The following DOT1L variants were observed in gnomAD, a reference collection of about 807,000 sequenced individuals.
The protein encoded by DOT1L is histone-lysine N-methyltransferase, H3 lysine-79 specific.
A neutral mutation model predicts 153.3 loss-of-function variants in DOT1L; 33 were observed. The ratio of observed to expected loss-of-function variants is 0.22; its 90% CI spans 0.16 to 0.29. The LOEUF (loss-of-function observed/expected upper bound fraction) is 0.29. Ranked by LOEUF, DOT1L falls within the 10% of genes least tolerant of loss-of-function variation. The pLI is 1.00. For synonymous variants in DOT1L, 1,135 were observed against 965.1 expected, an observed-to-expected ratio of 1.18 and a Z score of -3.26; for missense variants, 1,847 against 2,119.9, an observed-to-expected ratio of 0.87 and a Z score of 2.53.
chr19:2,168,352 A>G (rs1384355688), intron 1 of DOT1L, among the ~76,000 whole-genome samples: 1 of 152,204 alleles, frequency 6.6e-6, no homozygotes, highest in African/African-American at 2.4e-5. Flanking sequence ...ATAGAAGTTC[A>G]GCAGAGATAC....
At chr19:2,206,387 C>T (rs1227391039) in intron 9 of DOT1L, among the ~76,000 whole-genome samples, 1 of 151,916 alleles carries the variant, frequency 6.6e-6, no homozygotes, top group East Asian at 1.9e-4. Context: ...GTGAAACCCG[C>T]TCTCTACTAA....
chr19:2,220,893 T>TGGCC lies in DOT1L; in HGVS notation c.2806+674_2806+677dup, dbSNP rs1199156711. 2 of 273,648 alleles carry TGGCC rather than the reference T, an allele frequency of 7.3e-6. No homozygotes were observed. The highest frequency in any genetic ancestry group is 2.0e-4 in the East Asian group (2 of 10,100). The allele number at this position is 273,648 out of a possible 1,614,324, so 17.0% of individuals were successfully genotyped here. On this transcript the variant is annotated intron_variant, in intron 23 of 27. Coordinates refer to ENST00000398665, the MANE Select transcript of DOT1L (RefSeq NM_032482.3). This position sits in a 1 kb window ranked among gnomAD's most constrained non-coding sequence, Gnocchi z 4.5. ...TTTTTTAGGAGTAAAAAGTAAAATG[T>TGGCC]GGCCGGGCGTGGTGGCTCATGCCTG...
rs1259363492 is a variant in DOT1L, at chr19:2,226,827, G to C, written c.4306G>C (p.Gly1436Arg). 6.3e-7 allele frequency: 1 copy of C among 1,581,168 alleles called. No homozygotes were observed. Residue 1436 changes from glycine (G) to arginine (R), a missense_variant, in exon 27 of 28, where the codon GGA becomes CGA. Physicochemically the swap from Gly to Arg is moderately radical, Grantham distance 125 (BLOSUM62 -2). Transcript: ENST00000398665. ...CATCTCTGCGGCGGCCGTGCCTCCC[G>C]GAAGCCTCCTCAGCGGCCCCGGCCT... ...LFISAAAVPP[G>R]SLLSGPGLAP...
intron 27 of DOT1L, chr19:2,229,016 C>T: frequency 1.0e-6 from 1 of 985,454 alleles, no homozygotes; most frequent in Non-Finnish European, 1.2e-6. Context: ...CCTTGCTGGA[C>T]ACGGCTGATG....
At chr19:2,184,212 G>T (rs370985968) in intron 2 of DOT1L, among the ~76,000 whole-genome samples, 199 of 152,258 alleles carry the variant, frequency 1.3e-3, no homozygotes, top group African/African-American at 4.7e-3. Context: ...GGTTGCTCTC[G>T]GGGCCTCGCT....
intron 17 of DOT1L, 71 bp from the exon 18 acceptor site, chr19:2,213,778 T>C: frequency 6.2e-7 from 1 of 1,605,758 alleles, no homozygotes. Flanking sequence ...GCTGCAGGGG[T>C]GGTCATGCCT....
rs1377435896 is a variant in DOT1L at position 2,210,497 on chromosome 19, C to A, written c.1103C>A (p.Ala368Asp). The A allele has an allele frequency of 1.3e-6, 2 of 1,594,430 alleles. No individual in the cohort carries two copies. Among genetic ancestry groups the A allele is most frequent in the Non-Finnish European group, 1.7e-6 (2 of 1,171,644 alleles). The change falls in exon 13 of 28, where the codon GCC (alanine) becomes GAC (aspartate). Residue 368 changes from alanine (A) to aspartate (D), a missense_variant. By Grantham distance (126) the Ala-to-Asp change is moderately radical. Coordinates refer to ENST00000398665, the MANE Select transcript of DOT1L (RefSeq NM_032482.3). ...CCAGAGGGCAAGGTGGCCGGCCCCG[C>A]CGACGCCCCCATGGTAAGGCCCCAG... The part of the protein sequence containing the change: ...KGPEGKVAGP[A>D]DAPMDSGAEE...
intron 1 of DOT1L, among the ~76,000 whole-genome samples, chr19:2,177,059 G>A (rs1259012489): frequency 6.6e-6 from 1 of 152,208 alleles, no homozygotes; most frequent in Non-Finnish European, 1.5e-5. Flanking sequence ...GTAGAACCCA[G>A]TGCTTCCGGC....
At chr19:2,182,158 C>T (rs559661241) in intron 2 of DOT1L, among the ~76,000 whole-genome samples, 6 of 152,102 alleles carry the variant, frequency 3.9e-5, no homozygotes, top group Admixed American at 3.3e-4. Context: ...ACCCAGGGGG[C>T]GGAGGTTGCA....
chr19:2,206,105 C>T lies in DOT1L; in HGVS notation c.788-624C>T, dbSNP rs1379493403. Among the ~76,000 whole-genome samples, 3 of 152,028 alleles carry T rather than the reference C, an allele frequency of 2.0e-5. No individual in the cohort carries two copies. The East Asian group carries it at 5.9e-4, about 30-fold the overall frequency. ...TTCCACCTCCCAGGTTCAAGTGATT[C>T]TCCTGCCTCAGCCTCCCGAGTAGCT... On this transcript the variant is annotated intron_variant, in intron 9 of 27. Transcript: ENST00000398665.
intron 23 of DOT1L, chr19:2,221,686 G>A (rs1192988498): frequency 6.6e-6 from 3 of 457,468 alleles, no homozygotes; most frequent in East Asian, 3.3e-5. Context: ...CTAGCTCAGC[G>A]GGGAGCCCGC....
In DOT1L at chr19:2,222,747, A is replaced by C; in HGVS notation, c.3390+188A>C. ...AACCCCGTCTCTACCAAAAATACAA[A>C]AGATTAGCCGGGCGTGGTGGCGGGT... On this transcript the variant is annotated intron_variant, in intron 24 of 27. Transcript: ENST00000398665. The surrounding 1 kb of genome is among the most constrained non-coding windows in gnomAD (Gnocchi z 6.5). 2 of 618,822 alleles carry C rather than the reference A, an allele frequency of 3.2e-6. No individual in the cohort carries two copies. The highest frequency in any genetic ancestry group is 5.3e-6 in the Non-Finnish European group (2 of 375,200). 38.3% of individuals were successfully genotyped at this position (618,822 alleles called of 1,614,324 possible). A position where few individuals can be genotyped will look rare whatever the true frequency, so the allele number is the denominator to read the frequency against.
chr19:2,191,080 G>A lies in DOT1L; in HGVS notation c.333G>A (p.Leu111=), dbSNP rs146911119. Residue 111 remains leucine (L), a synonymous_variant, in exon 5 of 28, where the codon CTG becomes CTA. Coordinates refer to ENST00000398665, the MANE Select transcript of DOT1L (RefSeq NM_032482.3). The surrounding 1 kb of genome is among the most constrained non-coding windows in gnomAD (Gnocchi z 6.8). ...RPSTGLLRHI[L]QQVYNHSVTD... is the part of the protein sequence containing the mutation. ...CCACTGGACTCCTGCGCCATATCCT[G>A]CAGCAGGTCTACAACCACTCGGTGA... 3.5e-5 allele frequency: 56 copies of A among 1,612,900 alleles called. No homozygotes were observed. In the East Asian group the frequency reaches 1.0e-3, roughly 30 times the overall value.
chr19:2,183,406 A>G (rs1420255225), intron 2 of DOT1L, among the ~76,000 whole-genome samples: 2 of 152,024 alleles, frequency 1.3e-5, no homozygotes, highest in Non-Finnish European at 2.9e-5. Flanking sequence ...CCTGGCCTCA[A>G]GTGATCCACC....
At chr19:2,168,664 G>C (rs1189344891) in intron 1 of DOT1L, among the ~76,000 whole-genome samples, 35 of 152,150 alleles carry the variant, frequency 2.3e-4, no homozygotes, top group Admixed American at 2.3e-3. Flanking sequence ...GCCTGGGCTG[G>C]AGTACAACGG....
chr19:2,228,126 C>T (rs770033684), intron 27 of DOT1L: 12 of 1,363,300 alleles, frequency 8.8e-6, no homozygotes, highest in Non-Finnish European at 1.1e-5. Context: ...TGCCTCTCTG[C>T]CGCCTGCTAA....
rs763100033 is a variant in DOT1L, at chr19:2,222,225, C to T, written c.3056C>T (p.Pro1019Leu). ...SPRLGGAAQG[P>L]LPEASKGDLP... Reference sequence around the variant, plus strand: ...CGGCTTGGTGGGGCCGCCCAGGGCCCGTTGCCCGAGGCCAGCAAGGGAGAC... The same window carrying T: ...CGGCTTGGTGGGGCCGCCCAGGGCCTGTTGCCCGAGGCCAGCAAGGGAGAC... Residue 1019 changes from proline to leucine, a missense_variant, in exon 24 of 28, where the codon CCG (proline) becomes CTG (leucine). Coordinates refer to ENST00000398665, the MANE Select transcript of DOT1L (RefSeq NM_032482.3). This position sits in a 1 kb window ranked among gnomAD's most constrained non-coding sequence, Gnocchi z 6.5. 19 of 1,613,024 alleles carry T rather than the reference C, an allele frequency of 1.2e-5. No individual in the cohort carries two copies. The highest frequency in any genetic ancestry group is 1.6e-4 in the Middle Eastern group (1 of 6,080).
At chr19:2,206,637 C>T in intron 9 of DOT1L, 92 bp from the exon 10 acceptor site, 1 of 1,274,938 alleles carries the variant, frequency 7.8e-7, no homozygotes, top group East Asian at 2.3e-5. Context: ...TGTGTGTGTT[C>T]CGTGTCATTG....
chr19:2,221,873 C>G, intron 23 of DOT1L, 103 bp from the exon 24 acceptor site: 5 of 1,224,676 alleles, frequency 4.1e-6, no homozygotes, highest in Non-Finnish European at 5.5e-6. Flanking sequence ...ACTTCCCCGC[C>G]TCTCCTGGAG....
Sources: allele counts gnomAD v4.1 joint callset (sites outside exome capture counted in the v4.1 genomes callset), GRCh38; gene constraint gnomAD v4.1.1; non-coding constraint Gnocchi (gnomAD v3.1); transcripts MANE v1.5; gene names NCBI Gene and HGNC (gene_info 2026-07-23, HGNC 2026-07-21).